Variants in PITPNC1 observed in about 807,000 individuals in gnomAD.
The protein encoded by PITPNC1 is cytoplasmic phosphatidylinositol transfer protein 1.
Under a neutral mutation model 44.7 loss-of-function variants are expected in PITPNC1, and 18 were observed. The ratio of observed to expected loss-of-function variants is 0.40; its 90% confidence interval spans 0.28 to 0.60. The LOEUF (loss-of-function observed/expected upper bound fraction) is 0.60, where lower values mean the gene tolerates loss of function less well. Among genes scored for constraint, PITPNC1 ranks in the 20% least tolerant of loss-of-function variants. The pLI is 0.39. For synonymous variants in PITPNC1, 141 were observed against 149.6 expected, an observed-to-expected ratio of 0.94 and a Z score of 0.42; for missense variants, 290 against 418.4, an observed-to-expected ratio of 0.69 and a Z score of 2.68.
chr17:67,653,088 C>A (rs1185837070), intron 6 of PITPNC1, among the ~76,000 whole-genome samples: 2 of 152,106 alleles, frequency 1.3e-5, no homozygotes, highest in South Asian at 4.1e-4. Flanking sequence ...TCAAGACCAG[C>A]CAGGCCAACA....
chr17:67,657,109 T>G (rs1199025318), intron 6 of PITPNC1, among the ~76,000 whole-genome samples: 1 of 152,178 alleles, frequency 6.6e-6, no homozygotes, highest in Non-Finnish European at 1.5e-5. Flanking sequence ...AACTGGACTA[T>G]TTCAGATAAG....
chr17:67,694,485 C>A lies in PITPNC1; in HGVS notation c.*1597C>A, dbSNP rs1324330635. 1 of 152,340 alleles carries A rather than the reference C, an allele frequency of 6.6e-6. No homozygotes were observed. Among genetic ancestry groups the A allele is most frequent in the Non-Finnish European group, 1.5e-5 (1 of 68,158 alleles). The allele number at this position is 152,340 out of a possible 1,614,324, so 9.4% of individuals were successfully genotyped here. A position where few individuals can be genotyped will look rare whatever the true frequency, so the allele number is the denominator to read the frequency against. ...TGCTTCCCTCTCAGTGCTCAGCACT[C>A]TGTGTAGTGTCTTTCAGGTTGATAC... is the stretch of plus-strand genomic sequence containing the variant. On this transcript the variant is annotated 3_prime_UTR_variant, in exon 9 of 9. Coordinates refer to ENST00000581322, the MANE Select transcript of PITPNC1 (RefSeq NM_012417.4).
At chr17:67,641,537 C>T (rs937852957) in intron 6 of PITPNC1, among the ~76,000 whole-genome samples, 2 of 152,142 alleles carry the variant, frequency 1.3e-5, no homozygotes, top group African/African-American at 4.8e-5. Context: ...TGGCTCACGC[C>T]TGTAATCCCA....
chr17:67,532,983 G>C (rs2040483300), intron 2 of PITPNC1, 33 bp downstream of exon 2: 3 of 1,578,538 alleles, frequency 1.9e-6, no homozygotes, highest in African/African-American at 1.3e-5. Flanking sequence ...CTGCACAGAA[G>C]CCCCCTCCCA....
chr17:67,644,061 T>G (rs1444744281), intron 6 of PITPNC1, among the ~76,000 whole-genome samples: 1 of 152,170 alleles, frequency 6.6e-6, no homozygotes, highest in Non-Finnish European at 1.5e-5. Context: ...GTTACAGCCA[T>G]TTGTGCTGCT....
intron 1 of PITPNC1, among the ~76,000 whole-genome samples, chr17:67,390,036 C>T (rs1322925532): frequency 3.2e-5 from 4 of 126,074 alleles, no homozygotes; most frequent in Admixed American, 8.1e-5. Context: ...GAATAGATAC[C>T]CATGTTCAGA....
rs141366688 is a variant in PITPNC1, at chr17:67,391,613, T to C, written c.48+13411T>C. Among the ~76,000 whole-genome samples, 129 of 152,160 alleles carry C rather than the reference T, an allele frequency of 8.5e-4. 7 individuals are homozygous for C. The East Asian group carries it at 0.016, about 19-fold the overall frequency. Reference sequence around the variant, plus strand: ...CTCCTGCCTCAGCATCCCAAGTAGCTGGGATTGCAGGTACCCACCGCCACG... The same window carrying C: ...CTCCTGCCTCAGCATCCCAAGTAGCCGGGATTGCAGGTACCCACCGCCACG... On this transcript the variant is annotated intron_variant, in intron 1 of 8. Coordinates refer to ENST00000581322, the MANE Select transcript of PITPNC1 (RefSeq NM_012417.4).
chr17:67,687,204 C>A, intron 8 of PITPNC1: 1 of 1,277,144 alleles, frequency 7.8e-7, no homozygotes. Context: ...ATTTTTAAAA[C>A]ATGTTGCCCA....
At chr17:67,404,592 C>T (rs993831843) in intron 1 of PITPNC1, among the ~76,000 whole-genome samples, 1 of 152,166 alleles carries the variant, frequency 6.6e-6, no homozygotes, top group African/African-American at 2.4e-5. Context: ...CAAGCATGCT[C>T]TAAACCTGCA....
At chr17:67,635,564 G>A (rs1003109103) in intron 6 of PITPNC1, among the ~76,000 whole-genome samples, 4 of 152,160 alleles carry the variant, frequency 2.6e-5, no homozygotes, top group South Asian at 2.1e-4. Flanking sequence ...AGTATTTGGC[G>A]AATAGGAGAT....
intron 5 of PITPNC1, among the ~76,000 whole-genome samples, chr17:67,594,675 T>A (rs529938401): frequency 3.9e-5 from 6 of 152,310 alleles, no homozygotes; most frequent in Non-Finnish European, 8.8e-5. Context: ...GAGAGCCATC[T>A]ATGCTGTTGT....
At chr17:67,527,743 G>A (rs371934983) in intron 1 of PITPNC1, among the ~76,000 whole-genome samples, 3 of 152,016 alleles carry the variant, frequency 2.0e-5, no homozygotes, top group Non-Finnish European at 4.4e-5. Flanking sequence ...AGTGGCTCAC[G>A]CCTGTAATCC....
chr17:67,481,366 T>C (rs12103469), intron 1 of PITPNC1, among the ~76,000 whole-genome samples: 57,952 of 152,128 alleles, frequency 0.38, 11,160 homozygotes, highest in African/African-American at 0.42. Flanking sequence ...ATGGCCATAC[T>C]CCACTGCCAG....
At chr17:67,433,957 G>A (rs1344081183) in intron 1 of PITPNC1, among the ~76,000 whole-genome samples, 1 of 152,138 alleles carries the variant, frequency 6.6e-6, no homozygotes, top group African/African-American at 2.4e-5. Context: ...CTGGCATAGA[G>A]GTACAGGCTG....
chr17:67,583,022 A>G (rs2041256301), intron 5 of PITPNC1, among the ~76,000 whole-genome samples: 2 of 152,292 alleles, frequency 1.3e-5, no homozygotes, highest in South Asian at 4.1e-4. Flanking sequence ...TGCACATTGG[A>G]TTCACCTGAG....
At chr17:67,663,667 A>G (rs181757490) in intron 6 of PITPNC1, among the ~76,000 whole-genome samples, 16 of 152,182 alleles carry the variant, frequency 1.1e-4, no homozygotes, top group African/African-American at 3.6e-4. Flanking sequence ...CCAGAATAAC[A>G]GCACAGAGGC....
intron 1 of PITPNC1, among the ~76,000 whole-genome samples, chr17:67,487,316 A>G (rs1337321214): frequency 1.3e-5 from 2 of 151,970 alleles, no homozygotes; most frequent in Non-Finnish European, 2.9e-5. Flanking sequence ...CTGGGATTAT[A>G]GGCACTCACC....
rs1281830078 is a variant in PITPNC1 at position 67,523,806 on chromosome 17, C to CCTTT, written c.49-8996_49-8995insCTTT. On this transcript the variant is annotated intron_variant, in intron 1 of 8. Coordinates refer to ENST00000581322, the MANE Select transcript of PITPNC1 (RefSeq NM_012417.4). ...CACCAGCTCAGAAATACATGGAAAC[C>CCTTT]GTTTTTTTTTTTTTTTTTTTTTTTA... 4.7e-5 allele frequency among the ~76,000 whole-genome samples: 6 copies of CCTTT among 127,620 alleles called. 1 individual carries two copies. The highest frequency in any genetic ancestry group is 8.2e-5 in the Non-Finnish European group (5 of 61,254). 83.7% of individuals were successfully genotyped at this position (127,620 alleles called of 152,430 possible).
At position 67,533,070 on chromosome 17, in the gene PITPNC1, C is replaced by T. The variant is rs543386880; in HGVS notation, c.197+120C>T. On this transcript the variant is annotated intron_variant, in intron 2 of 8. Transcript: ENST00000581322. ...TCACTTGGAAAGTAACTACGTCCAC[C>T]GTCTACGACCACCAATCTCATTGTT... The T allele has an allele frequency of 4.8e-4, 334 of 696,500 alleles. 1 individual carries two copies. In the African/African-American group the frequency reaches 4.9e-3, roughly 10 times the overall value. The allele number at this position is 696,500 out of a possible 1,614,324, so 43.1% of individuals were successfully genotyped here. A position where few individuals can be genotyped will look rare whatever the true frequency, so the allele number is the denominator to read the frequency against.
Sources: gnomAD v4.1 joint callset for allele counts (sites outside exome capture counted in the v4.1 genomes callset) on GRCh38, gnomAD v4.1.1 for gene constraint, MANE v1.5 for transcripts, NCBI Gene and HGNC (gene_info 2026-07-23, HGNC 2026-07-21) for gene names.